The following CCDC201 variants were observed in gnomAD, a reference collection of about 807,000 sequenced individuals.
CCDC201 encodes coiled-coil domain containing 201.
At chr7:45,879,398 A>C in the CCDC201 span, among the ~76,000 whole-genome samples, 366 of 152,346 alleles carry the variant, frequency 2.4e-3, no homozygotes, top group Admixed American at 3.7e-3. Flanking sequence ...TCATGCTGCT[A>C]TAAAGAAATA....
chr7:45,874,430 T>A (rs1786776795), upstream of CCDC201, among the ~76,000 whole-genome samples: 1 of 152,234 alleles, frequency 6.6e-6, no homozygotes, highest in African/African-American at 2.4e-5. Context: ...GGCTCTCTCC[T>A]TTCTCTGTAA....
At chr7:45,878,383 G>A in the CCDC201 span, among the ~76,000 whole-genome samples, 409 of 152,350 alleles carry the variant, frequency 2.7e-3, 1 homozygote, top group Non-Finnish European at 3.2e-3. Flanking sequence ...CCTAATAAAT[G>A]TTCTCCATGA....
chr7:45,880,445 C>T, the CCDC201 span, among the ~76,000 whole-genome samples: 11 of 152,340 alleles, frequency 7.2e-5, no homozygotes, highest in South Asian at 4.1e-4. Flanking sequence ...ACACCATATG[C>T]GGGTGATGGC....
At chr7:45,870,645 A>G (rs540022561) in intron 1 of CCDC201, among the ~76,000 whole-genome samples, 1 of 152,368 alleles carries the variant, frequency 6.6e-6, no homozygotes, top group African/African-American at 2.4e-5. Context: ...TATGATTACA[A>G]CAGACAATAC....
Position 45,872,744 on chromosome 7 carries a change from A to C in CCDC201, c.18+246T>G, listed in dbSNP as rs1405212950. ...CTCTCCTGCAGGCCATGTCGTGGGC[A>C]TCAAGAGGAGACTCTGGGCAAGGCT... On this transcript the variant is annotated intron_variant, in intron 1 of 2. Coordinates refer to ENST00000636578, the Ensembl canonical transcript of CCDC201. Among the ~76,000 whole-genome samples the C allele has an allele frequency of 2.6e-5, 4 of 152,276 alleles. No homozygotes were observed. The East Asian group carries it at 7.7e-4, about 29-fold the overall frequency.
upstream of CCDC201, among the ~76,000 whole-genome samples, chr7:45,875,067 A>G (rs1786785045): frequency 6.6e-6 from 1 of 152,260 alleles, no homozygotes; most frequent in Non-Finnish European, 1.5e-5. Context: ...CTTTGCAGCC[A>G]GTATGTGAGT....
the CCDC201 span, among the ~76,000 whole-genome samples, chr7:45,880,271 T>G: frequency 1.3e-5 from 2 of 152,170 alleles, no homozygotes; most frequent in African/African-American, 4.8e-5. Flanking sequence ...GAAAATATCA[T>G]TAGGAAAGGA....
intron 1 of CCDC201, among the ~76,000 whole-genome samples, chr7:45,869,261 G>A (rs1047255629): frequency 2.0e-5 from 3 of 152,166 alleles, no homozygotes; most frequent in African/African-American, 7.2e-5. Flanking sequence ...AGAGTGTGCT[G>A]GAACATTAAA....
upstream of CCDC201, among the ~76,000 whole-genome samples, chr7:45,873,279 C>T (rs572332151): frequency 6.6e-5 from 9 of 136,732 alleles, no homozygotes; most frequent in African/African-American, 1.6e-4. Flanking sequence ...CCCCACCCCC[C>T]CACCCCCCAG....
At chr7:45,869,989 G>T (rs1406718617) in intron 1 of CCDC201, among the ~76,000 whole-genome samples, 1 of 151,968 alleles carries the variant, frequency 6.6e-6, no homozygotes, top group Non-Finnish European at 1.5e-5. Context: ...GCTAATTTTT[G>T]TATTTTTATT....
At chr7:45,883,984 CTTTTCTTTCT>C in the CCDC201 span, among the ~76,000 whole-genome samples, 305 of 150,784 alleles carry the variant, frequency 2.0e-3, no homozygotes, top group Non-Finnish European at 3.7e-3. Flanking sequence ...TCTTTCTTTT[CTTTTCTTTCT>C]TTTTCTTTCT....
chr7:45,884,215 C>T, the CCDC201 span, among the ~76,000 whole-genome samples: 1 of 152,124 alleles, frequency 6.6e-6, no homozygotes, highest in African/African-American at 2.4e-5. Context: ...ACCCTCTCAC[C>T]TCAGCCTCCT....
chr7:45,870,147 C>G (rs1786728248), intron 1 of CCDC201, among the ~76,000 whole-genome samples: 1 of 152,218 alleles, frequency 6.6e-6, no homozygotes, highest in Non-Finnish European at 1.5e-5. Flanking sequence ...ACATTTGGCA[C>G]TGCCAATTTT....
exon 3 of CCDC201, chr7:45,862,707 A>G (rs1415332676): frequency 6.6e-6 from 1 of 152,190 alleles, no homozygotes; most frequent in Non-Finnish European, 1.5e-5. Context: ...TCGCCTAGAC[A>G]TCAGCTCCAC....
chr7:45,864,262 C>T (rs1255631745), intron 2 of CCDC201, among the ~76,000 whole-genome samples: 1 of 152,026 alleles, frequency 6.6e-6, no homozygotes, highest in Admixed American at 6.5e-5. Flanking sequence ...TGTGGGGATC[C>T]AGGCTCAGCT....
At chr7:45,883,860 C>A in the CCDC201 span, among the ~76,000 whole-genome samples, 8 of 152,150 alleles carry the variant, frequency 5.3e-5, no homozygotes, top group South Asian at 2.1e-4. Context: ...CATGGCTGAT[C>A]CTCAGCTTCT....
At chr7:45,874,456 G>A (rs1786776881), upstream of CCDC201, among the ~76,000 whole-genome samples, 6 of 152,228 alleles carry the variant, frequency 3.9e-5, no homozygotes. Flanking sequence ...AGTGCTATGT[G>A]AGGGCTTTCC....
chr7:45,862,522 C>T (rs563709048), exon 3 of CCDC201: 1 of 152,390 alleles, frequency 6.6e-6, no homozygotes, highest in East Asian at 1.9e-4. Flanking sequence ...ACATACATCC[C>T]TCACCATTGG....
At chr7:45,872,425 T>C (rs1349745674) in intron 1 of CCDC201, among the ~76,000 whole-genome samples, 2 of 152,228 alleles carry the variant, frequency 1.3e-5, no homozygotes, top group African/African-American at 4.8e-5. Context: ...ATCTAGAGCA[T>C]GAGGTGTCCT....
Sources: allele counts gnomAD v4.1 joint callset (sites outside exome capture counted in the v4.1 genomes callset), GRCh38; gene constraint gnomAD v4.1.1; transcripts MANE v1.5; gene names NCBI Gene and HGNC (gene_info 2026-07-23, HGNC 2026-07-21).